ZBTB49: variants seen among roughly 807,000 people sequenced by gnomAD.
ZBTB49 encodes the protein zinc finger and BTB domain-containing protein 49.
In ZBTB49, 43 loss-of-function variants were observed where a neutral mutation model predicts 57.5. The ratio of observed to expected loss-of-function variants is 0.75; its 90% CI spans 0.59 to 0.97. ZBTB49 has a LOEUF of 0.97. ZBTB49 is among the 50% of genes least tolerant of loss of function. ZBTB49 has a pLI of 0.00. For synonymous variants in ZBTB49, 369 were observed against 362.1 expected, an observed-to-expected ratio of 1.02 and a Z score of -0.22; for missense variants, 938 against 947.7, an observed-to-expected ratio of 0.99 and a Z score of 0.13.
intron 1 of ZBTB49, among the ~76,000 whole-genome samples, chr4:4,294,938 G>A (rs4689241): frequency 0.4 from 59,486 of 149,418 alleles, 13,780 homozygotes; most frequent in Middle Eastern, 0.55. Context: ...TTTCCCGTGG[G>A]CGATAGCATA....
At chr4:4,297,179 G>T (rs1486639962) in intron 1 of ZBTB49, among the ~76,000 whole-genome samples, 1 of 152,018 alleles carries the variant, frequency 6.6e-6, no homozygotes, top group Non-Finnish European at 1.5e-5. Context: ...CAAGTGAATC[G>T]CCTGCCTCAG....
At chr4:4,313,418 A>C (rs995302887) in intron 5 of ZBTB49, among the ~76,000 whole-genome samples, 3 of 152,226 alleles carry the variant, frequency 2.0e-5, no homozygotes, top group Non-Finnish European at 2.9e-5. Context: ...ATGTCTCTGA[A>C]AATATAATAG....
In ZBTB49 at chr4:4,302,892, T is replaced by G. The variant is rs1392074416; in HGVS notation, c.1056T>G (p.Ser352Arg). The stretch of plus-strand genomic sequence containing the variant: ...CCCTAGAGAAAGCTAGCAGCCAAAG[T>G]GCTGAAGAAAAAGAAAGTGAAGAAG... ...KNTLEKASSQ[S>R]AEEKESEEVV... The change falls in exon 3 of 8, where the codon AGT (serine) becomes AGG (arginine). Residue 352 changes from serine (S) to arginine (R), a missense_variant. This residue lies in a region of ZBTB49 where 835 missense variants were observed against 819.1 expected (regional missense o/e 1.02). Coordinates refer to ENST00000337872, the MANE Select transcript of ZBTB49 (RefSeq NM_145291.4). The G allele has an allele frequency of 6.2e-7, 1 of 1,614,110 alleles. No individual in the cohort carries two copies. The highest frequency in any genetic ancestry group is 1.1e-5 in the South Asian group (1 of 91,082).
At chr4:4,291,940 C>T (rs1420308275) in intron 1 of ZBTB49, among the ~76,000 whole-genome samples, 1 of 151,986 alleles carries the variant, frequency 6.6e-6, no homozygotes, top group East Asian at 1.9e-4. Context: ...ACCAGCCTGG[C>T]CAACATGGTG....
intron 5 of ZBTB49, among the ~76,000 whole-genome samples, chr4:4,315,298 T>C (rs1318579995): frequency 6.6e-6 from 1 of 152,168 alleles, no homozygotes. Context: ...GGCTCTGAAC[T>C]GGGGAGACTC....
intron 4 of ZBTB49, among the ~76,000 whole-genome samples, chr4:4,310,971 G>A (rs1720962016): frequency 6.6e-6 from 1 of 152,154 alleles, no homozygotes; most frequent in Non-Finnish European, 1.5e-5. Context: ...AGTTTGCTGT[G>A]TAACCTGGAA....
intron 3 of ZBTB49, among the ~76,000 whole-genome samples, chr4:4,304,380 C>G (rs1402939770): frequency 1.3e-5 from 2 of 152,004 alleles, no homozygotes; most frequent in East Asian, 3.9e-4. Context: ...CATGCGCCAC[C>G]AATTTTTTTG....
chr4:4,318,069 G>T (rs932825039), intron 7 of ZBTB49, among the ~76,000 whole-genome samples: 3 of 152,148 alleles, frequency 2.0e-5, no homozygotes, highest in Admixed American at 1.3e-4. Context: ...GCGCCCACCC[G>T]CCTGTCCCCT....
intron 1 of ZBTB49, among the ~76,000 whole-genome samples, chr4:4,297,599 A>G (rs762843277): frequency 2.6e-5 from 4 of 152,060 alleles, no homozygotes; most frequent in African/African-American, 9.7e-5. Context: ...AGCCTGGGCA[A>G]TGTAGCAAAA....
intron 4 of ZBTB49, among the ~76,000 whole-genome samples, chr4:4,310,511 AT>A (rs66523167): frequency 6.8e-4 from 96 of 141,312 alleles, no homozygotes; most frequent in East Asian, 8.3e-4. Flanking sequence ...ACTTGCTAGA[AT>A]TTTTTTTTTT....
At position 4,305,735 on chromosome 4, in the gene ZBTB49, G is replaced by T. The variant is rs953183303; in HGVS notation, c.1256-403G>T. Reference sequence around the variant, plus strand: ...GGCTCTCTGTGCTCATACCTTGTGTGGTGTGAACCAGTGACCCTGTGTCTG... The same window carrying T: ...GGCTCTCTGTGCTCATACCTTGTGTTGTGTGAACCAGTGACCCTGTGTCTG... On this transcript the variant is annotated intron_variant, in intron 3 of 7. Transcript: ENST00000337872. Among the ~76,000 whole-genome samples, 4 of 152,182 alleles carry T rather than the reference G, an allele frequency of 2.6e-5. No individual in the cohort carries two copies. In the East Asian group the frequency reaches 7.7e-4, roughly 29 times the overall value.
chr4:4,304,631 C>T (rs1215198701), intron 3 of ZBTB49, among the ~76,000 whole-genome samples: 2 of 152,162 alleles, frequency 1.3e-5, no homozygotes, highest in Admixed American at 6.5e-5. Context: ...GGCAAAGATG[C>T]TTACTGGCAC....
At position 4,320,828 on chromosome 4, in the gene ZBTB49, G is replaced by A. The variant is rs767604309; in HGVS notation, c.1810G>A (p.Glu604Lys). The A allele has an allele frequency of 6.2e-6, 10 of 1,614,048 alleles. No individual in the cohort carries two copies. Among genetic ancestry groups the A allele is most frequent in the East Asian group, 4.5e-5 (2 of 44,890 alleles). ...DVLEELSQAI[E>K]TSDLEKSQSS... The stretch of plus-strand genomic sequence containing the variant: ...GCTGGAGGAGCTCAGCCAAGCCATC[G>A]AGACCTCCGACCTCGAGAAATCTCA... The change falls in exon 8 of 8, where the codon GAG (glutamate) becomes AAG (lysine). Residue 604 changes from glutamate to lysine, a missense_variant. Around this residue, in one of 3 missense-constraint regions of ZBTB49, gnomAD observed 835 missense variants for 819.1 expected, o/e 1.02. Coordinates refer to ENST00000337872, the MANE Select transcript of ZBTB49 (RefSeq NM_145291.4).
intron 2 of ZBTB49, among the ~76,000 whole-genome samples, chr4:4,300,923 T>C (rs1720446204): frequency 6.6e-6 from 1 of 152,220 alleles, no homozygotes; most frequent in Admixed American, 6.5e-5. Flanking sequence ...TTTACTGCTC[T>C]AGTAGACAAC....
intron 1 of ZBTB49, among the ~76,000 whole-genome samples, chr4:4,293,130 A>C (rs957197073): frequency 1.3e-5 from 2 of 152,334 alleles, no homozygotes; most frequent in Admixed American, 1.3e-4. Flanking sequence ...TCCATCCAGA[A>C]ATATGTATTG....
Position 4,302,119 on chromosome 4 carries a change from C to T in ZBTB49, c.283C>T (p.Gln95Ter). ...TCTAGATCTTAACCAGGACAATATA[C>T]AAGTAATGCTGGACACAGCACAGTG... ...SHLDLNQDNIQVMLDTAQCLQ... is the reference protein window; with the variant it reads ...SHLDLNQDNI The change falls in exon 3 of 8, where the codon CAA (glutamine) becomes TAA (stop). Residue 95 changes from glutamine (Q) to a stop codon, truncating the protein, a stop_gained. Coordinates refer to ENST00000337872, the MANE Select transcript of ZBTB49 (RefSeq NM_145291.4). LOFTEE classifies it high-confidence loss of function. 3 of 1,614,180 alleles carry T rather than the reference C, an allele frequency of 1.9e-6. No individual in the cohort carries two copies. Among genetic ancestry groups the T allele is most frequent in the Non-Finnish European group, 2.5e-6 (3 of 1,180,020 alleles).
intron 4 of ZBTB49, among the ~76,000 whole-genome samples, chr4:4,306,886 T>G (rs1294849757): frequency 6.6e-6 from 1 of 152,220 alleles, no homozygotes; most frequent in African/African-American, 2.4e-5. Context: ...GCGCAGCTCT[T>G]CAGGGCACAG....
intron 1 of ZBTB49, among the ~76,000 whole-genome samples, chr4:4,297,309 A>G (rs953462404): frequency 2.6e-5 from 4 of 152,114 alleles, no homozygotes; most frequent in African/African-American, 9.7e-5. Flanking sequence ...ACCTCAGGTG[A>G]TCCCCCCACC....
At chr4:4,291,965 C>G (rs1267716708) in intron 1 of ZBTB49, among the ~76,000 whole-genome samples, 1 of 152,126 alleles carries the variant, frequency 6.6e-6, no homozygotes, top group Non-Finnish European at 1.5e-5. Context: ...CCTGTAAACC[C>G]CATCTCTACT....
Sources: gnomAD v4.1 joint callset for allele counts (sites outside exome capture counted in the v4.1 genomes callset) on GRCh38, gnomAD v4.1.1 for gene constraint, gnomAD v4.1.1 regional missense constraint, MANE v1.5 for transcripts, NCBI Gene and HGNC (gene_info 2026-07-23, HGNC 2026-07-21) for gene names.